Variants in PITPNM3 observed in about 807,000 individuals in gnomAD.
PITPNM3 encodes the protein membrane-associated phosphatidylinositol transfer protein 3.
PITPNM3 carries 26 observed loss-of-function variants against 102.0 expected under a neutral mutation model. That is an observed-to-expected ratio of 0.25 (90% CI 0.19 to 0.35). PITPNM3 has a LOEUF of 0.35. PITPNM3 is among the 10% of genes least tolerant of loss of function. PITPNM3 has a pLI of 1.00. For synonymous variants in PITPNM3, 578 were observed against 558.6 expected (o/e 1.03, Z -0.49); for missense variants, 1,083 against 1,346.1 (o/e 0.80, Z 3.06).
chr17:6,463,269 C>A (rs1904563882), intron 17 of PITPNM3, among the ~76,000 whole-genome samples: 1 of 152,106 alleles, frequency 6.6e-6, no homozygotes, highest in African/African-American at 2.4e-5. Context: ...CACTTGGAGT[C>A]CTGGGTTACA....
intron 4 of PITPNM3, among the ~76,000 whole-genome samples, chr17:6,500,694 G>A (rs1203975287): frequency 7.3e-6 from 1 of 136,512 alleles, no homozygotes; most frequent in Non-Finnish European, 1.6e-5. Flanking sequence ...TTTTTTTTTT[G>A]AGATGGAGTC....
intron 1 of PITPNM3, among the ~76,000 whole-genome samples, chr17:6,546,480 A>G (rs2092646964): frequency 6.6e-6 from 1 of 152,186 alleles, no homozygotes; most frequent in South Asian, 2.1e-4. Context: ...CTCAACCTCA[A>G]CCATGGCCTC....
At chr17:6,531,343 A>G (rs1909134730) in intron 2 of PITPNM3, among the ~76,000 whole-genome samples, 1 of 152,218 alleles carries the variant, frequency 6.6e-6, no homozygotes, top group South Asian at 2.1e-4. Context: ...CCTTTCAGGG[A>G]TGAAGACTTC....
chr17:6,462,369 C>G (rs750455388), intron 17 of PITPNM3, among the ~76,000 whole-genome samples: 6 of 152,166 alleles, frequency 3.9e-5, no homozygotes, highest in Admixed American at 6.5e-5. Flanking sequence ...GTGGCCATGT[C>G]TCTGCTCTGC....
At position 6,463,843 on chromosome 17, in the gene PITPNM3, A is replaced by G; in HGVS notation, c.2195T>C (p.Leu732Ser). The G allele has an allele frequency of 2.5e-6, 4 of 1,614,028 alleles. No individual in the cohort carries two copies. The highest frequency in any genetic ancestry group is 3.4e-6 in the Non-Finnish European group (4 of 1,179,994). The stretch of plus-strand genomic sequence containing the variant: ...CACTACACACTCCATGCCCCTGGGC[A>G]ACACCGTGAGGTAGCTCATGGCACA... ...QTCAMSYLTVLPRGMECVVFS... is the reference protein window; with the variant it reads ...QTCAMSYLTVSPRGMECVVFS... Residue 732 changes from leucine (L) to serine (S), a missense_variant, in exon 17 of 20, where the codon TTG becomes TCG. Physicochemically the swap from Leu to Ser is moderately radical, Grantham distance 145. This residue lies in a region of PITPNM3 where 410 missense variants were observed against 638.4 expected (regional missense o/e 0.64). Transcript: ENST00000262483.
rs551209060 is a variant in PITPNM3, at chr17:6,470,754, ACTTC to A, written c.1625-350_1625-347del. On this transcript the variant is annotated intron_variant, in intron 12 of 19. Transcript: ENST00000262483. This position sits in a 1 kb window ranked among gnomAD's most constrained non-coding sequence, Gnocchi z 4.8. ...TGAGTCTATGTCTGGAAGGTTCAGC[ACTTC>A]CTTAATGGTCAGAGGTCAGAGCCCT... Among the ~76,000 whole-genome samples the A allele has an allele frequency of 9.9e-4, 150 of 152,236 alleles. No homozygotes were observed. Among genetic ancestry groups the A allele is most frequent in the Non-Finnish European group, 1.9e-3 (126 of 67,996 alleles).
intron 1 of PITPNM3, among the ~76,000 whole-genome samples, chr17:6,554,339 A>T (rs866487339): frequency 7.4e-6 from 1 of 135,920 alleles, no homozygotes; most frequent in African/African-American, 2.8e-5. Flanking sequence ...AAAAAAAAAA[A>T]GGAGAGAAGG....
chr17:6,547,633 G>C (rs1037906274), intron 1 of PITPNM3, among the ~76,000 whole-genome samples: 3 of 152,198 alleles, frequency 2.0e-5, no homozygotes, highest in Non-Finnish European at 4.4e-5. Flanking sequence ...CCCTTGCAGA[G>C]AGCTGAGAAT....
In PITPNM3 at chr17:6,455,513, A is replaced by C; in HGVS notation, c.2750T>G (p.Leu917Arg). 6.2e-7 allele frequency: 1 copy of C among 1,605,820 alleles called. No homozygotes were observed. The highest frequency in any genetic ancestry group is 8.5e-7 in the Non-Finnish European group (1 of 1,179,588). Residue 917 changes from leucine to arginine, a missense_variant, in exon 20 of 20, where the codon CTG becomes CGG. Leu to Arg is a moderately radical substitution (Grantham distance 102). Transcript: ENST00000262483. ...SFGLHAQPEF[L>R]RKRNHLRRTM... is the part of the protein sequence containing the mutation. Reference sequence around the variant, plus strand: ...TCTGCGCAGGTGGTTGCGCTTCCGCAGGAACTCTGGCTGCGCGTGCAGCCC... The same window carrying C: ...TCTGCGCAGGTGGTTGCGCTTCCGCCGGAACTCTGGCTGCGCGTGCAGCCC...
chr17:6,541,777 C>T lies in PITPNM3; in HGVS notation c.23-3695G>A, dbSNP rs993311467. On this transcript the variant is annotated intron_variant, in intron 1 of 19. Coordinates refer to ENST00000262483, the MANE Select transcript of PITPNM3 (RefSeq NM_031220.4). ...AGTGTCCTTGAGGTGGGTCCTTGCCCTACACTTCCCTGCATTTTCTGGGTC... is the reference window on the plus strand; with the variant it reads ...AGTGTCCTTGAGGTGGGTCCTTGCCTTACACTTCCCTGCATTTTCTGGGTC... Among the ~76,000 whole-genome samples, 8 of 152,278 alleles carry T rather than the reference C, an allele frequency of 5.3e-5. No homozygotes were observed. The South Asian group carries it at 1.0e-3, about 20-fold the overall frequency.
In PITPNM3 at chr17:6,556,319, C is replaced by G; in HGVS notation, c.22+66G>C. On this transcript the variant is annotated intron_variant, in intron 1 of 19. Coordinates refer to ENST00000262483, the MANE Select transcript of PITPNM3 (RefSeq NM_031220.4). This position sits in a 1 kb window ranked among gnomAD's most constrained non-coding sequence, Gnocchi z 5.2. Reference sequence around the variant, plus strand: ...CGAGGGGTTCACCTGGGCCGGCGGCCCCTCCTCTAGACGCGCGAGTCCCTC... The same window carrying G: ...CGAGGGGTTCACCTGGGCCGGCGGCGCCTCCTCTAGACGCGCGAGTCCCTC... The G allele has an allele frequency of 7.5e-7, 1 of 1,338,552 alleles. No homozygotes were observed. The highest frequency in any genetic ancestry group is 1.5e-5 in the South Asian group (1 of 66,330). The allele number at this position is 1,338,552 out of a possible 1,614,324, so 82.9% of individuals were successfully genotyped here. A position where few individuals can be genotyped will look rare whatever the true frequency, so the allele number is the denominator to read the frequency against.
At chr17:6,491,927 A>G (rs1354719645) in intron 4 of PITPNM3, among the ~76,000 whole-genome samples, 1 of 149,828 alleles carries the variant, frequency 6.7e-6, no homozygotes, top group East Asian at 1.9e-4. Context: ...TGTAATATAT[A>G]TATATATATA....
intron 4 of PITPNM3, among the ~76,000 whole-genome samples, chr17:6,484,511 A>C (rs1905953845): frequency 6.6e-6 from 1 of 152,240 alleles, no homozygotes; most frequent in African/African-American, 2.4e-5. Context: ...GGAGGGTGGC[A>C]GAGTGAGGCC....
rs1007975567 is a variant in PITPNM3, at chr17:6,556,035, G to A, written c.22+350C>T. Reference sequence around the variant, plus strand: ...GGGTGTGGGACGAAGCGGCGGCCGCGGGACATCCCCTTCGGTGGCGAAGCC... The same window carrying A: ...GGGTGTGGGACGAAGCGGCGGCCGCAGGACATCCCCTTCGGTGGCGAAGCC... On this transcript the variant is annotated intron_variant, in intron 1 of 19. Transcript: ENST00000262483. The surrounding 1 kb of genome is among the most constrained non-coding windows in gnomAD (Gnocchi z 5.2). Among the ~76,000 whole-genome samples the A allele has an allele frequency of 6.6e-6, 1 of 152,142 alleles. No homozygotes were observed. Among genetic ancestry groups the A allele is most frequent in the South Asian group, 2.1e-4 (1 of 4,832 alleles).
chr17:6,535,674 T>G (rs547279996), intron 2 of PITPNM3, among the ~76,000 whole-genome samples: 1 of 152,108 alleles, frequency 6.6e-6, no homozygotes, highest in Admixed American at 6.5e-5. Flanking sequence ...ATCCCAGCAC[T>G]TTGGGAGGCC....
At position 6,461,481 on chromosome 17, in the gene PITPNM3, C is replaced by A. The variant is rs369476782; in HGVS notation, c.2382G>T (p.Ser794=). ...RPDMQKQRVV[S]WLSQHNFPQG... is the part of the protein sequence containing the mutation. ...GTGGGAAGTTGTGCTGGGACAGCCA[C>A]GACACCACCCGCTGCTTCTGCATGT... Residue 794 remains serine (S), a synonymous_variant, in exon 18 of 20, where the codon TCG becomes TCT. Coordinates refer to ENST00000262483, the MANE Select transcript of PITPNM3 (RefSeq NM_031220.4). The A allele has an allele frequency of 1.5e-5, 25 of 1,614,094 alleles. No individual in the cohort carries two copies. The highest frequency in any genetic ancestry group is 2.0e-5 in the Non-Finnish European group (24 of 1,180,036).
At chr17:6,482,026 C>CTG (rs1905748560) in intron 6 of PITPNM3, among the ~76,000 whole-genome samples, 5 of 108,716 alleles carry the variant, frequency 4.6e-5, no homozygotes, top group Admixed American at 9.2e-5. Flanking sequence ...CTCTCTCTCT[C>CTG]TCTCTCTCTG....
In PITPNM3 at chr17:6,478,219, G is replaced by A. The variant is rs1432205666; in HGVS notation, c.778-122C>T. 6.6e-7 allele frequency: 1 copy of A among 1,509,050 alleles called. No homozygotes were observed. Among genetic ancestry groups the A allele is most frequent in the Non-Finnish European group, 9.0e-7 (1 of 1,115,558 alleles). The allele number at this position is 1,509,050 out of a possible 1,614,324, so 93.5% of individuals were successfully genotyped here. A position where few individuals can be genotyped will look rare whatever the true frequency, so the allele number is the denominator to read the frequency against. The stretch of plus-strand genomic sequence containing the variant: ...GAAACTCGTCCTTGGGAGGTGTTGA[G>A]AGAGCCCAACTGGGAAGCAGTGTGC... On this transcript the variant is annotated intron_variant, in intron 7 of 19. Transcript: ENST00000262483. The surrounding 1 kb of genome is among the most constrained non-coding windows in gnomAD (Gnocchi z 4.4).
intron 1 of PITPNM3, among the ~76,000 whole-genome samples, chr17:6,553,927 C>T (rs1051347423): frequency 6.6e-6 from 1 of 152,134 alleles, no homozygotes; most frequent in Non-Finnish European, 1.5e-5. Context: ...TGAAGCTCAC[C>T]AATCTATTCT....
Sources: gnomAD v4.1 joint callset for allele counts (sites outside exome capture counted in the v4.1 genomes callset) on GRCh38, gnomAD v4.1.1 for gene constraint, gnomAD v4.1.1 regional missense constraint, Gnocchi (gnomAD v3.1) non-coding constraint, MANE v1.5 for transcripts, NCBI Gene and HGNC (gene_info 2026-07-23, HGNC 2026-07-21) for gene names.